Variants in RECK observed in about 807,000 individuals in gnomAD.
RECK encodes reversion-inducing cysteine-rich protein with Kazal motifs.
RECK carries 69 observed loss-of-function variants against 115.1 expected under a neutral mutation model. The ratio of observed to expected loss-of-function variants is 0.60; its 90% CI spans 0.49 to 0.73. RECK has a LOEUF of 0.73. Among genes scored for constraint, RECK ranks in the 30% least tolerant of loss-of-function variants. RECK has a pLI of 0.00. For missense variants in RECK, 1,047 were observed against 1,203.7 expected (o/e 0.87, Z 1.93); for synonymous variants, 414 against 419.7 (o/e 0.99, Z 0.17).
chr9:36,092,865 A>G (rs1167602147), intron 10 of RECK, among the ~76,000 whole-genome samples: 1 of 152,034 alleles, frequency 6.6e-6, no homozygotes, highest in South Asian at 2.1e-4. Flanking sequence ...CTAGATATTG[A>G]AGGAAAAAAA....
intron 15 of RECK, among the ~76,000 whole-genome samples, chr9:36,110,595 G>A (rs1382385366): frequency 6.6e-6 from 1 of 152,134 alleles, no homozygotes; most frequent in Admixed American, 6.5e-5. Flanking sequence ...TAGTGAGATG[G>A]GATGCTTTCC....
At chr9:36,108,342 C>T (rs1823901839) in intron 14 of RECK, among the ~76,000 whole-genome samples, 178 bp downstream of exon 14, 1 of 152,112 alleles carries the variant, frequency 6.6e-6, no homozygotes, top group African/African-American at 2.4e-5. Context: ...GAAGTCCCCT[C>T]AATAAGGGGC....
intron 10 of RECK, among the ~76,000 whole-genome samples, chr9:36,092,927 C>T (rs1272641110): frequency 2.0e-5 from 3 of 152,178 alleles, no homozygotes; most frequent in East Asian, 3.9e-4. Flanking sequence ...AATCCATAAA[C>T]AGACTCCTTT....
At chr9:36,057,324 TC>T (rs1414138261) in intron 2 of RECK, among the ~76,000 whole-genome samples, 1 of 152,192 alleles carries the variant, frequency 6.6e-6, no homozygotes, top group Non-Finnish European at 1.5e-5. Context: ...AATAAACTTA[TC>T]TTTTTTTTCT....
At position 36,112,448 on chromosome 9, in the gene RECK, A is replaced by G; in HGVS notation, c.2032A>G (p.Asn678Asp). ...ATCATGCATGTCAAAGGATCCATGT[A>G]ATCCTAATCCCTGCCAAAAAAACCA... The part of the protein sequence containing the change: ...FGSCMSKDPC[N>D]PNPCQKNQRC... Residue 678 changes from asparagine (N) to aspartate (D), a missense_variant, in exon 16 of 21, where the codon AAT becomes GAT. Coordinates refer to ENST00000377966, the MANE Select transcript of RECK (RefSeq NM_021111.3). 1.2e-6 allele frequency: 2 copies of G among 1,614,098 alleles called. No homozygotes were observed. The highest frequency in any genetic ancestry group is 8.5e-7 in the Non-Finnish European group (1 of 1,180,038).
chr9:36,036,975 G>A lies in RECK; in HGVS notation c.-24G>A. The A allele has an allele frequency of 7.1e-7, 1 of 1,403,102 alleles. No homozygotes were observed. The highest frequency in any genetic ancestry group is 9.3e-7 in the Non-Finnish European group (1 of 1,074,556). The allele number at this position is 1,403,102 out of a possible 1,614,324, so 86.9% of individuals were successfully genotyped here. The stretch of plus-strand genomic sequence containing the variant: ...CCAAGCTGGGTCCGAGCATCCCGCG[G>A]CTCTGGAGCCGCCCGGCCCGGACAT... On this transcript the variant is annotated 5_prime_UTR_variant, in exon 1 of 21. Coordinates refer to ENST00000377966, the MANE Select transcript of RECK (RefSeq NM_021111.3).
At chr9:36,092,263 A>G (rs1259127567) in intron 10 of RECK, among the ~76,000 whole-genome samples, 1 of 152,210 alleles carries the variant, frequency 6.6e-6, no homozygotes, top group African/African-American at 2.4e-5. Flanking sequence ...AGTAGCTTGT[A>G]TGAGAATAAC....
intron 15 of RECK, among the ~76,000 whole-genome samples, chr9:36,110,961 C>T (rs1824020837): frequency 6.6e-6 from 1 of 152,168 alleles, no homozygotes; most frequent in African/African-American, 2.4e-5. Flanking sequence ...GCCTTCACTG[C>T]TTTATTATCA....
At chr9:36,043,011 T>G (rs1349954112) in intron 1 of RECK, among the ~76,000 whole-genome samples, 1 of 23,412 alleles carries the variant, frequency 4.3e-5, no homozygotes, top group Non-Finnish European at 9.5e-5. Context: ...CTTAGCCCAC[T>G]TTTTTTTTTT....
intron 9 of RECK, among the ~76,000 whole-genome samples, chr9:36,090,789 A>C (rs982315492): frequency 6.6e-6 from 1 of 152,230 alleles, no homozygotes; most frequent in Admixed American, 6.5e-5. Context: ...CATAAATATA[A>C]GGGAATATAT....
chr9:36,038,302 A>C (rs1820749035), intron 1 of RECK, among the ~76,000 whole-genome samples: 1 of 152,154 alleles, frequency 6.6e-6, no homozygotes, highest in Admixed American at 6.5e-5. Flanking sequence ...TCAAAAAAAA[A>C]TCAAAGTCAG....
intron 2 of RECK, among the ~76,000 whole-genome samples, chr9:36,053,958 T>G (rs1215041416): frequency 6.6e-6 from 1 of 152,190 alleles, no homozygotes. Context: ...AGGCACACAC[T>G]AAGTGACAGA....
At chr9:36,076,045 G>T (rs1013874387) in intron 6 of RECK, among the ~76,000 whole-genome samples, 1 of 152,150 alleles carries the variant, frequency 6.6e-6, no homozygotes, top group Non-Finnish European at 1.5e-5. Context: ...ATGGAGGAAT[G>T]AACCATTTTT....
chr9:36,116,848 TA>T, intron 16 of RECK, 136 bp from the exon 17 acceptor site: 1 of 629,242 alleles, frequency 1.6e-6, no homozygotes, highest in Non-Finnish European at 2.8e-6. Flanking sequence ...CCACTCTACA[TA>T]AGCTCTTTGG....
rs530760758 is a variant in RECK, at chr9:36,122,821, C to T, written c.2695-3C>T. 323 of 1,612,892 alleles carry T rather than the reference C, an allele frequency of 2.0e-4. 1 individual carries two copies. The East Asian group carries it at 5.8e-3, about 29-fold the overall frequency. On this transcript the variant is annotated splice_region_variant and splice_polypyrimidine_tract_variant and intron_variant, in intron 20 of 20. Coordinates refer to ENST00000377966, the MANE Select transcript of RECK (RefSeq NM_021111.3). ...ATTAAGGGAACCTTGTTTCTCCTCACAGATTGAAGCCTGCAATAAAGAAGC... is the reference window on the plus strand; with the variant it reads ...ATTAAGGGAACCTTGTTTCTCCTCATAGATTGAAGCCTGCAATAAAGAAGC...
intron 16 of RECK, among the ~76,000 whole-genome samples, chr9:36,115,954 C>T (rs187427174): frequency 1.4e-4 from 22 of 152,184 alleles, no homozygotes; most frequent in Non-Finnish European, 3.1e-4. Flanking sequence ...GAATCATCAT[C>T]CCTAGCCCCT....
chr9:36,100,281 C>A, intron 10 of RECK, 50 bp from the exon 11 acceptor site: 1 of 1,495,516 alleles, frequency 6.7e-7, no homozygotes, highest in Non-Finnish European at 9.2e-7. Context: ...TGTTGCTTCT[C>A]TCTAGAAAAT....
At chr9:36,102,774 T>C (rs1223217552) in intron 12 of RECK, among the ~76,000 whole-genome samples, 1 of 151,864 alleles carries the variant, frequency 6.6e-6, no homozygotes, top group African/African-American at 2.4e-5. Flanking sequence ...GCTGACATGG[T>C]GAGACCCCGT....
chr9:36,112,362 C>T lies in RECK; in HGVS notation c.1946C>T (p.Thr649Ile), dbSNP rs745736198. Residue 649 changes from threonine (T) to isoleucine (I), a missense_variant, in exon 16 of 21, where the codon ACT becomes ATT. Physicochemically the swap from Thr to Ile is moderately conservative, Grantham distance 89 (BLOSUM62 -1). Coordinates refer to ENST00000377966, the MANE Select transcript of RECK (RefSeq NM_021111.3). ...FVPVCGQNGR[T>I]YPSACIARCV... The stretch of plus-strand genomic sequence containing the variant: ...CCTGTATGTGGGCAGAATGGGCGCA[C>T]TTACCCCAGTGCCTGCATTGCTCGC... The T allele has an allele frequency of 2.5e-6, 4 of 1,613,822 alleles. No individual in the cohort carries two copies. The Admixed American group carries it at 6.7e-5, about 27-fold the overall frequency.
Sources: gnomAD v4.1 joint callset for allele counts (sites outside exome capture counted in the v4.1 genomes callset) on GRCh38, gnomAD v4.1.1 for gene constraint, MANE v1.5 for transcripts, NCBI Gene and HGNC (gene_info 2026-07-23, HGNC 2026-07-21) for gene names.